The following RTN1 variants were observed in gnomAD, a reference collection of about 807,000 sequenced individuals.
The protein encoded by RTN1 is reticulon-1.
RTN1 carries 25 observed loss-of-function variants against 65.5 expected under a neutral mutation model. The ratio of observed to expected loss-of-function variants is 0.38; its 90% CI spans 0.28 to 0.53. RTN1 has a LOEUF of 0.53. Ranked by LOEUF, RTN1 falls within the 20% of genes least tolerant of loss-of-function variation. The pLI is 0.79. For synonymous variants in RTN1, 471 were observed against 447.6 expected, an observed-to-expected ratio of 1.05 and a Z score of -0.66; for missense variants, 983 against 1,025.4, an observed-to-expected ratio of 0.96 and a Z score of 0.57.
At chr14:59,782,791 T>C (rs1886180740) in intron 1 of RTN1, among the ~76,000 whole-genome samples, 2 of 152,224 alleles carry the variant, frequency 1.3e-5, no homozygotes, top group African/African-American at 4.8e-5. Flanking sequence ...GTAGCTGCTA[T>C]ATAATGTTAC....
chr14:59,750,211 T>TATATATTATATCTATAATATATA (rs1885439422), intron 1 of RTN1, among the ~76,000 whole-genome samples: 5 of 26,778 alleles, frequency 1.9e-4, no homozygotes, highest in Non-Finnish European at 2.9e-4. Flanking sequence ...TAATATATAA[T>TATATATTATATCTATAATATATA]ATATATATTA....
At chr14:59,723,682 A>G (rs1202721295) in intron 3 of RTN1, among the ~76,000 whole-genome samples, 1 of 152,230 alleles carries the variant, frequency 6.6e-6, no homozygotes, top group African/African-American at 2.4e-5. Flanking sequence ...TTTAAAGTGT[A>G]TAAGAATCAC....
chr14:59,838,144 C>A (rs1887246911), intron 1 of RTN1, among the ~76,000 whole-genome samples: 1 of 152,126 alleles, frequency 6.6e-6, no homozygotes, highest in Admixed American at 6.6e-5. Context: ...TTGTTCCTGT[C>A]TTTATGTCCA....
At chr14:59,764,384 A>T (rs1040754045) in intron 1 of RTN1, among the ~76,000 whole-genome samples, 6 of 151,416 alleles carry the variant, frequency 4.0e-5, no homozygotes, top group Admixed American at 1.3e-4. Flanking sequence ...GCAATGGCGC[A>T]ACCTCGGCTC....
chr14:59,765,539 T>A (rs967033536), intron 1 of RTN1, among the ~76,000 whole-genome samples: 1 of 152,214 alleles, frequency 6.6e-6, no homozygotes, highest in African/African-American at 2.4e-5. Flanking sequence ...CTGAAATGAA[T>A]CTGTGATGTT....
At chr14:59,679,805 C>T (rs1168104092) in intron 3 of RTN1, among the ~76,000 whole-genome samples, 1 of 152,198 alleles carries the variant, frequency 6.6e-6, no homozygotes, top group Non-Finnish European at 1.5e-5. Context: ...AGCTTCCATA[C>T]AGACTTGCAT....
chr14:59,643,090 A>G (rs1882813193), intron 3 of RTN1, among the ~76,000 whole-genome samples: 1 of 152,188 alleles, frequency 6.6e-6, no homozygotes, highest in Non-Finnish European at 1.5e-5. Context: ...TAGGCCAATA[A>G]GCCTCTGGCT....
intron 3 of RTN1, among the ~76,000 whole-genome samples, chr14:59,669,133 C>G (rs1214880349): frequency 1.3e-5 from 2 of 152,180 alleles, no homozygotes; most frequent in African/African-American, 2.4e-5. Flanking sequence ...ATAAATCATG[C>G]TGCTACAAAG....
chr14:59,677,481 G>T (rs1418633685), intron 3 of RTN1, among the ~76,000 whole-genome samples: 1 of 152,172 alleles, frequency 6.6e-6, no homozygotes, highest in Non-Finnish European at 1.5e-5. Flanking sequence ...GGAGCCATGA[G>T]GAGAGATTTA....
intron 3 of RTN1, among the ~76,000 whole-genome samples, chr14:59,635,605 C>T (rs1019732350): frequency 3.9e-5 from 6 of 152,148 alleles, no homozygotes; most frequent in Non-Finnish European, 7.4e-5. Context: ...CAGCTGTAGA[C>T]TTTGGCAACT....
chr14:59,604,237 A>C (rs1342644571), intron 5 of RTN1: 1 of 173,982 alleles, frequency 5.7e-6, no homozygotes, highest in Non-Finnish European at 1.2e-5. Flanking sequence ...AAATGTTCAA[A>C]TAAAATCAAA....
At chr14:59,683,448 A>G (rs950122218) in intron 3 of RTN1, among the ~76,000 whole-genome samples, 4 of 66,034 alleles carry the variant, frequency 6.1e-5, no homozygotes, top group Admixed American at 2.3e-4. Context: ...TTCTTTTAGA[A>G]AATTGAAAAA....
chr14:59,845,945 A>G (rs959524341), intron 1 of RTN1, among the ~76,000 whole-genome samples: 3 of 152,176 alleles, frequency 2.0e-5, no homozygotes, highest in African/African-American at 7.2e-5. Flanking sequence ...AGCATCATAC[A>G]TATCCGCACT....
At chr14:59,600,195 C>A (rs567590306) in intron 8 of RTN1, among the ~76,000 whole-genome samples, 2 of 152,218 alleles carry the variant, frequency 1.3e-5, no homozygotes, top group South Asian at 4.1e-4. Context: ...GCCCTGGTGT[C>A]TACTGGCCCA....
At chr14:59,785,989 G>A (rs1446353354) in intron 1 of RTN1, among the ~76,000 whole-genome samples, 1 of 152,168 alleles carries the variant, frequency 6.6e-6, no homozygotes, top group Non-Finnish European at 1.5e-5. Flanking sequence ...CCAAGTCTCT[G>A]TGCTTTCTCA....
intron 2 of RTN1, among the ~76,000 whole-genome samples, chr14:59,732,456 G>A (rs974151873): frequency 6.6e-6 from 1 of 152,186 alleles, no homozygotes; most frequent in African/African-American, 2.4e-5. Flanking sequence ...CACGGAGAAT[G>A]AAGAAAAGCA....
chr14:59,635,206 A>G (rs539567424), intron 3 of RTN1, among the ~76,000 whole-genome samples: 1 of 152,356 alleles, frequency 6.6e-6, no homozygotes, highest in African/African-American at 2.4e-5. Flanking sequence ...TGTTAGACCA[A>G]CAGCAGTCTT....
rs555552447 is a variant in RTN1, at chr14:59,744,041, G to T, written c.1015+1667C>A. On this transcript the variant is annotated intron_variant, in intron 2 of 8. Coordinates refer to ENST00000267484, the MANE Select transcript of RTN1 (RefSeq NM_021136.3). ...GCGCAGTGAATCTTTAAGACCCTTG[G>T]AGTTCTATGGTTGAATGAGTCTGAA... Among the ~76,000 whole-genome samples, 3 of 152,296 alleles carry T rather than the reference G, an allele frequency of 2.0e-5. No homozygotes were observed. The South Asian group carries it at 6.2e-4, about 32-fold the overall frequency.
chr14:59,811,989 C>G (rs1056188887), intron 1 of RTN1, among the ~76,000 whole-genome samples: 32 of 152,110 alleles, frequency 2.1e-4, no homozygotes, highest in African/African-American at 7.5e-4. Context: ...AGTGCCTTCC[C>G]TCACTGTGAA....
Sources: allele counts gnomAD v4.1 joint callset (sites outside exome capture counted in the v4.1 genomes callset), GRCh38; gene constraint gnomAD v4.1.1; transcripts MANE v1.5; gene names NCBI Gene and HGNC (gene_info 2026-07-23, HGNC 2026-07-21).